Variants in SOX7 observed in about 807,000 individuals in gnomAD.
SOX7 encodes SRY-box transcription factor 7, also known as transcription factor SOX-7.
SOX7 carries 19 observed loss-of-function variants against 24.9 expected under a neutral mutation model. That is an observed-to-expected ratio of 0.76 (90% CI 0.53 to 1.12). The LOEUF (loss-of-function observed/expected upper bound fraction) is 1.12, where lower values mean the gene tolerates loss of function less well. SOX7 is among the 50% of genes most tolerant of loss of function. The pLI, the probability that SOX7 is intolerant of heterozygous loss-of-function variation, is 0.00. For synonymous variants in SOX7, 327 were observed against 244.5 expected (o/e 1.34, Z -3.15); for missense variants, 702 against 535.0 (o/e 1.31, Z -3.08).
chr8:10,726,981 C>T (rs1008347539), intron 1 of SOX7, among the ~76,000 whole-genome samples: 1 of 152,204 alleles, frequency 6.6e-6, no homozygotes, highest in Non-Finnish European at 1.5e-5. Context: ...GCCCACCTGA[C>T]CATATGTCAG....
At chr8:10,727,070 G>A (rs963810862) in intron 1 of SOX7, among the ~76,000 whole-genome samples, 30 of 152,120 alleles carry the variant, frequency 2.0e-4, no homozygotes, top group Admixed American at 1.9e-3. Context: ...CTAAACATTT[G>A]TGTATTCTCA....
rs1487584406 is a variant in SOX7, at chr8:10,724,736, T to C, written c.*1002A>G. 1.4e-4 allele frequency: 21 copies of C among 150,092 alleles called. No homozygotes were observed. Among genetic ancestry groups the C allele is most frequent in the African/African-American group, 5.3e-4 (21 of 39,668 alleles). The allele number at this position is 150,092 out of a possible 1,614,324, so 9.3% of individuals were successfully genotyped here. A position where few individuals can be genotyped will look rare whatever the true frequency, so the allele number is the denominator to read the frequency against. Reference sequence around the variant, plus strand: ...GTGCATATTCTTTTTTTTTTTTTTTTCTTGAAATGGAGTTTCACTCTTGTT... The same window carrying C: ...GTGCATATTCTTTTTTTTTTTTTTTCCTTGAAATGGAGTTTCACTCTTGTT... On this transcript the variant is annotated 3_prime_UTR_variant, in exon 2 of 2. Transcript: ENST00000304501.
rs945234002 is a variant in SOX7 at position 10,724,546 on chromosome 8, G to C, written c.*1192C>G. Reference sequence around the variant, plus strand: ...ATCCAGATTTGAAGACAGTGACTTTGCTTGGTTGCAAAGTCCTTTTAGGTA... The same window carrying C: ...ATCCAGATTTGAAGACAGTGACTTTCCTTGGTTGCAAAGTCCTTTTAGGTA... On this transcript the variant is annotated 3_prime_UTR_variant, in exon 2 of 2. Coordinates refer to ENST00000304501, the MANE Select transcript of SOX7 (RefSeq NM_031439.4). 6.6e-6 allele frequency: 1 copy of C among 152,142 alleles called. No homozygotes were observed. Among genetic ancestry groups the C allele is most frequent in the Admixed American group, 6.5e-5 (1 of 15,286 alleles). 9.4% of individuals were successfully genotyped at this position (152,142 alleles called of 1,614,324 possible). A position where few individuals can be genotyped will look rare whatever the true frequency, so the allele number is the denominator to read the frequency against.
intron 1 of SOX7, among the ~76,000 whole-genome samples, chr8:10,728,379 C>A (rs1364588458): frequency 6.6e-6 from 1 of 152,182 alleles, no homozygotes; most frequent in Non-Finnish European, 1.5e-5. Flanking sequence ...ACTCGCATAT[C>A]CAGCCTTTTC....
Position 10,726,484 on chromosome 8 carries a change from C to A in SOX7, c.421G>T (p.Asp141Tyr). Residue 141 changes from aspartate to tyrosine, a missense_variant, in exon 2 of 2, where the codon GAC becomes TAC. By Grantham distance (160) the Asp-to-Tyr change is radical. Transcript: ENST00000304501. ...PGFLLSSLSR[D>Y]QNALPEKRSG... ...CTCTTCTCCGGCAGGGCGTTCTGGTCCCGGGAGAGGGAGCTCAGAAGGAAG... is the reference window on the plus strand; with the variant it reads ...CTCTTCTCCGGCAGGGCGTTCTGGTACCGGGAGAGGGAGCTCAGAAGGAAG... 2 of 1,612,326 alleles carry A rather than the reference C, an allele frequency of 1.2e-6. No homozygotes were observed. The highest frequency in any genetic ancestry group is 2.2e-5 in the South Asian group (2 of 91,070).
chr8:10,726,467 C>A lies in SOX7; in HGVS notation c.438G>T (p.Pro146=), dbSNP rs745814540. The A allele has an allele frequency of 6.2e-7, 1 of 1,612,322 alleles. No individual in the cohort carries two copies. Among genetic ancestry groups the A allele is most frequent in the South Asian group, 1.1e-5 (1 of 91,068 alleles). ...SSLSRDQNAL[P]EKRSGSRGAL... ...CCCCCCGGCTGCCGCTTCTCTTCTCCGGCAGGGCGTTCTGGTCCCGGGAGA... is the reference window on the plus strand; with the variant it reads ...CCCCCCGGCTGCCGCTTCTCTTCTCAGGCAGGGCGTTCTGGTCCCGGGAGA... The change falls in exon 2 of 2, where the codon CCG becomes CCT. Residue 146 remains proline, a synonymous_variant. Coordinates refer to ENST00000304501, the MANE Select transcript of SOX7 (RefSeq NM_031439.4).
intron 1 of SOX7, among the ~76,000 whole-genome samples, chr8:10,727,950 G>A (rs1800187790): frequency 6.6e-6 from 1 of 152,262 alleles, no homozygotes; most frequent in Non-Finnish European, 1.5e-5. Context: ...AGAGCCAGGG[G>A]AGGGCAATGA....
At position 10,730,242 on chromosome 8, in the gene SOX7, T is replaced by A; in HGVS notation, c.192A>T (p.Ala64=). The A allele has an allele frequency of 1.9e-6, 3 of 1,568,552 alleles. No individual in the cohort carries two copies. The highest frequency in any genetic ancestry group is 2.5e-5 in the East Asian group (1 of 39,406). ...VWAKDERKRL[A]VQNPDLHNAE... The stretch of plus-strand genomic sequence containing the variant: ...CGTTGTGCAGGTCCGGGTTCTGCAC[T>A]GCCAGCCGTTTCCTCTCGTCCTTGG... Residue 64 remains alanine (A), a synonymous_variant, in exon 1 of 2, where the codon GCA becomes GCT. Transcript: ENST00000304501. The surrounding 1 kb of genome is among the most constrained non-coding windows in gnomAD (Gnocchi z 4.8).
In SOX7 at chr8:10,726,242, G is replaced by A. The variant is rs79762127; in HGVS notation, c.663C>T (p.Ser221=). 1.7e-4 allele frequency: 272 copies of A among 1,613,832 alleles called. No individual in the cohort carries two copies. In the African/African-American group the frequency reaches 3.3e-3, roughly 19 times the overall value. ...GGCCATGCTCCTCCTGGCAGGGGGAGGAGAAGAAGGTCTGCTCCGGCTCCA... is the reference window on the plus strand; with the variant it reads ...GGCCATGCTCCTCCTGGCAGGGGGAAGAGAAGAAGGTCTGCTCCGGCTCCA... ...DVLEPEQTFF[S]SPCQEEHGHP... The change falls in exon 2 of 2, where the codon TCC becomes TCT. Residue 221 remains serine (S), a synonymous_variant. Coordinates refer to ENST00000304501, the MANE Select transcript of SOX7 (RefSeq NM_031439.4).
chr8:10,727,736 G>T (rs1460707506), intron 1 of SOX7, among the ~76,000 whole-genome samples: 1 of 152,210 alleles, frequency 6.6e-6, no homozygotes, highest in Non-Finnish European at 1.5e-5. Flanking sequence ...TACCTCCTAA[G>T]GTGGGCTCAG....
In SOX7 at chr8:10,725,824, T is replaced by G. The variant is rs765599040; in HGVS notation, c.1081A>C (p.Thr361Pro). ...LSGHVPVSQVTPTGPTETSLI... is the reference protein window; with the variant it reads ...LSGHVPVSQVPPTGPTETSLI... ...CTGGTCTCTGTGGGACCCGTTGGTG[T>G]CACCTGGGAGACCGGAACATGCCCA... Residue 361 changes from threonine (T) to proline (P), a missense_variant, in exon 2 of 2, where the codon ACA becomes CCA. Transcript: ENST00000304501. The G allele has an allele frequency of 6.2e-7, 1 of 1,614,112 alleles. No homozygotes were observed. The highest frequency in any genetic ancestry group is 2.2e-5 in the East Asian group (1 of 44,866).
chr8:10,729,395 G>A (rs1800216754), intron 1 of SOX7: 1 of 152,204 alleles, frequency 6.6e-6, no homozygotes, highest in Non-Finnish European at 1.5e-5. Flanking sequence ...AGAAGGCAGG[G>A]TTGAAAAGTA....
At position 10,730,302 on chromosome 8, in the gene SOX7, A is replaced by G; in HGVS notation, c.132T>C (p.Arg44=). Residue 44 remains arginine, a synonymous_variant, in exon 1 of 2, where the codon CGT becomes CGC. Transcript: ENST00000304501. The surrounding 1 kb of genome is among the most constrained non-coding windows in gnomAD (Gnocchi z 4.8). ...TGAAGGCGTTCATGGGCCGCCGGAT[A>G]CGGCTCTCGGAGCCCTTGTCCCCCG... The part of the protein sequence containing the change: ...RPPGDKGSES[R]IRRPMNAFMV... The G allele has an allele frequency of 1.3e-6, 2 of 1,579,830 alleles. No homozygotes were observed. The highest frequency in any genetic ancestry group is 3.6e-5 in the Admixed American group (2 of 55,640).
rs181357514 is a variant in SOX7 at position 10,725,786 on chromosome 8, G to A, written c.1119C>T (p.Val373=). ...AGTACGTGGCCGTGGCATCAGCCAG[G>A]ACGGAGATGAGGCTGGTCTCTGTGG... ...TGPTETSLIS[V]LADATATYYN... is the part of the protein sequence containing the mutation. The change falls in exon 2 of 2, where the codon GTC becomes GTT. Residue 373 remains valine, a synonymous_variant. Transcript: ENST00000304501. The A allele has an allele frequency of 7.2e-5, 116 of 1,614,218 alleles. No individual in the cohort carries two copies. In the East Asian group the frequency reaches 1.4e-3, roughly 20 times the overall value.
Position 10,725,722 on chromosome 8 carries a change from C to T in SOX7, c.*16G>A, listed in dbSNP as rs371308277. On this transcript the variant is annotated 3_prime_UTR_variant, in exon 2 of 2. Transcript: ENST00000304501. The stretch of plus-strand genomic sequence containing the variant: ...GGAGAGGGCGCGAGGGCTGACCGGA[C>T]GGGGCGCCTCCAGCTCTATGACACA... 1.5e-5 allele frequency: 25 copies of T among 1,613,722 alleles called. No homozygotes were observed. The highest frequency in any genetic ancestry group is 1.6e-4 in the Middle Eastern group (1 of 6,080).
At position 10,726,158 on chromosome 8, in the gene SOX7, G is replaced by T; in HGVS notation, c.747C>A (p.Ser249Arg). 2 of 1,602,750 alleles carry T rather than the reference G, an allele frequency of 1.2e-6. No individual in the cohort carries two copies. Among genetic ancestry groups the T allele is most frequent in the Non-Finnish European group, 1.7e-6 (2 of 1,174,650 alleles). Residue 249 changes from serine to arginine, a missense_variant, in exon 2 of 2, where the codon AGC becomes AGA. Ser to Arg is a moderately radical substitution (Grantham distance 110, BLOSUM62 -1). Transcript: ENST00000304501. ...CCAGGGGGTGGCTACAGTGGAGAGG[G>T]CTTGGGGCGTACTCCGGTGAGTACG... ...GHPYSPEYAPSPLHCSHPLGS... is the reference protein window; with the variant it reads ...GHPYSPEYAPRPLHCSHPLGS...
intron 1 of SOX7, among the ~76,000 whole-genome samples, chr8:10,728,193 T>C (rs1396211582): frequency 6.6e-6 from 1 of 152,240 alleles, no homozygotes; most frequent in Non-Finnish European, 1.5e-5. Context: ...TGGCCGTAGC[T>C]TTTAAATGTA....
chr8:10,730,344 C>G lies in SOX7; in HGVS notation c.90G>C (p.Pro30=). ...TGTCCCCCGGGGGCCGGGGGACGGC[C>G]GGCGGCGATTGTCCATCCGACAGCT... is the stretch of plus-strand genomic sequence containing the variant. ...DAELSDGQSP[P]AVPRPPGDKG... Residue 30 remains proline (P), a synonymous_variant, in exon 1 of 2, where the codon CCG becomes CCC. Transcript: ENST00000304501. This position sits in a 1 kb window ranked among gnomAD's most constrained non-coding sequence, Gnocchi z 4.8. The G allele has an allele frequency of 6.4e-7, 1 of 1,565,270 alleles. No homozygotes were observed. Among genetic ancestry groups the G allele is most frequent in the Non-Finnish European group, 8.6e-7 (1 of 1,159,954 alleles).
rs1233653612 is a variant in SOX7, at chr8:10,727,256, G to A, written c.239-590C>T. On this transcript the variant is annotated intron_variant, in intron 1 of 1. Coordinates refer to ENST00000304501, the MANE Select transcript of SOX7 (RefSeq NM_031439.4). Reference sequence around the variant, plus strand: ...TAACAAATACCTATTCCTTACCTCTGAAGGTCGAATAGAACCCTGCTGGAT... The same window carrying A: ...TAACAAATACCTATTCCTTACCTCTAAAGGTCGAATAGAACCCTGCTGGAT... Among the ~76,000 whole-genome samples the A allele has an allele frequency of 3.3e-5, 5 of 152,182 alleles. No homozygotes were observed. The East Asian group carries it at 7.7e-4, about 24-fold the overall frequency.
Sources: allele counts gnomAD v4.1 joint callset (sites outside exome capture counted in the v4.1 genomes callset), GRCh38; gene constraint gnomAD v4.1.1; non-coding constraint Gnocchi (gnomAD v3.1); transcripts MANE v1.5; gene names NCBI Gene and HGNC (gene_info 2026-07-23, HGNC 2026-07-21).